PAPSS2: variants seen among roughly 807,000 people sequenced by gnomAD.
PAPSS2 encodes 3'-phosphoadenosine 5'-phosphosulfate synthase 2.
In PAPSS2, 61 loss-of-function variants were observed where a neutral mutation model predicts 66.5. That is an observed-to-expected ratio of 0.92 (90% CI 0.75 to 1.14). PAPSS2 has a LOEUF of 1.14. Among genes scored for constraint, PAPSS2 ranks in the 50% most tolerant of loss-of-function variants. PAPSS2 has a pLI of 0.00. For synonymous variants in PAPSS2, 289 were observed against 287.5 expected (o/e 1.01, Z -0.05); for missense variants, 708 against 789.6 (o/e 0.90, Z 1.24).
intron 1 of PAPSS2, among the ~76,000 whole-genome samples, chr10:87,701,372 CTTTCT>C (rs1564716775): frequency 4.2e-5 from 4 of 94,526 alleles, no homozygotes; most frequent in Non-Finnish European, 5.9e-5. Flanking sequence ...TTCTTTCTTT[CTTTCT>C]TTCTTTCTTT....
In PAPSS2 at chr10:87,741,316, C is replaced by A. The variant is rs1270615172; in HGVS notation, c.1168C>A (p.Gln390Lys). 6.2e-7 allele frequency: 1 copy of A among 1,613,478 alleles called. No homozygotes were observed. The change falls in exon 10 of 13, where the codon CAA (glutamine) becomes AAA (lysine). Residue 390 changes from glutamine (Q) to lysine (K), a missense_variant. Gln to Lys is a moderately conservative substitution (Grantham distance 53). Transcript: ENST00000456849. ...EKIRWNDGLD[Q>K]YRLTPLELKQ... is the part of the protein sequence containing the mutation. Reference sequence around the variant, plus strand: ...AATAAGATGGAATGATGGGCTGGACCAATACCGTCTGACACCTCTGGAGCT... The same window carrying A: ...AATAAGATGGAATGATGGGCTGGACAAATACCGTCTGACACCTCTGGAGCT...
intron 7 of PAPSS2, among the ~76,000 whole-genome samples, chr10:87,718,499 C>G (rs536197128): frequency 6.6e-6 from 1 of 152,352 alleles, no homozygotes; most frequent in Non-Finnish European, 1.5e-5. Context: ...CCTACTAGTT[C>G]CAAGCCCCTA....
chr10:87,738,733 A>T (rs1853831339), intron 9 of PAPSS2, among the ~76,000 whole-genome samples: 1 of 152,160 alleles, frequency 6.6e-6, no homozygotes, highest in South Asian at 2.1e-4. Context: ...GGCCATCCTA[A>T]TGGATGGGAG....
intron 7 of PAPSS2, among the ~76,000 whole-genome samples, chr10:87,717,874 T>G (rs1045520216): frequency 2.0e-5 from 3 of 152,150 alleles, no homozygotes; most frequent in Admixed American, 1.3e-4. Flanking sequence ...AGACAACAAA[T>G]TCTTAAAAGA....
chr10:87,737,478 A>C (rs1016532697), intron 9 of PAPSS2, among the ~76,000 whole-genome samples: 5 of 152,170 alleles, frequency 3.3e-5, no homozygotes, highest in African/African-American at 2.4e-5. Flanking sequence ...GTTGTGAACC[A>C]AATCTCCAGA....
chr10:87,665,104 A>G (rs1290723187), intron 1 of PAPSS2, among the ~76,000 whole-genome samples: 2 of 151,994 alleles, frequency 1.3e-5, no homozygotes, highest in South Asian at 2.1e-4. Flanking sequence ...GCTTGTAGAG[A>G]TTCCTTCAGG....
chr10:87,741,784 T>G (rs551341260), intron 10 of PAPSS2, among the ~76,000 whole-genome samples: 55 of 151,578 alleles, frequency 3.6e-4, no homozygotes, highest in African/African-American at 1.3e-3. Flanking sequence ...AAGAGACAGG[T>G]CTCACCCTGT....
intron 1 of PAPSS2, among the ~76,000 whole-genome samples, chr10:87,682,495 A>G (rs937372430): frequency 6.6e-6 from 1 of 152,222 alleles, no homozygotes; most frequent in Non-Finnish European, 1.5e-5. Flanking sequence ...TCCCTTCTTG[A>G]ATTGGAGTGT....
chr10:87,723,843 A>C (rs575201827), intron 8 of PAPSS2, among the ~76,000 whole-genome samples: 1 of 152,292 alleles, frequency 6.6e-6, no homozygotes, highest in Admixed American at 6.5e-5. Context: ...GGCCTTCTAA[A>C]TGTTGCATTG....
rs1184871976 is a variant in PAPSS2, at chr10:87,663,106, C to CTTTTTTT, written c.27+3115_27+3121dup. 3.4e-4 allele frequency among the ~76,000 whole-genome samples: 23 copies of CTTTTTTT among 67,622 alleles called. 1 individual carries two copies. Among genetic ancestry groups the CTTTTTTT allele is most frequent in the African/African-American group, 7.2e-4 (11 of 15,350 alleles). The allele number at this position is 67,622 out of a possible 152,430, so 44.4% of individuals were successfully genotyped here. A position where few individuals can be genotyped will look rare whatever the true frequency, so the allele number is the denominator to read the frequency against. On this transcript the variant is annotated intron_variant, in intron 1 of 12. Coordinates refer to ENST00000456849, the MANE Select transcript of PAPSS2 (RefSeq NM_001015880.2). ...AACATTATTTTTCTAGAAGTAGCCA[C>CTTTTTTT]TTTTTTTTTTTTTTTTTTTTTTTGA...
At chr10:87,666,969 A>G (rs1449644432) in intron 1 of PAPSS2, among the ~76,000 whole-genome samples, 1 of 152,166 alleles carries the variant, frequency 6.6e-6, no homozygotes, top group African/African-American at 2.4e-5. Flanking sequence ...CCCCAAGCTC[A>G]GCACCAGGGG....
rs766498849 is a variant in PAPSS2, at chr10:87,745,231, G to C, written c.1721G>C (p.Arg574Thr). ...KKAMDFYDPA[R>T]HNEFDFISGT... ...GCCATGGACTTCTATGATCCAGCAAGGTAGGTTTTCAGAGGAAAATTCTTT... is the reference window on the plus strand; with the variant it reads ...GCCATGGACTTCTATGATCCAGCAACGTAGGTTTTCAGAGGAAAATTCTTT... Residue 574 changes from arginine (R) to threonine (T), a missense_variant and splice_region_variant, in exon 12 of 13, where the codon AGG (arginine) becomes ACG (threonine). By Grantham distance (71) the Arg-to-Thr change is moderately conservative (BLOSUM62 -1). Transcript: ENST00000456849. 3 of 1,607,054 alleles carry C rather than the reference G, an allele frequency of 1.9e-6. No individual in the cohort carries two copies. The highest frequency in any genetic ancestry group is 2.6e-6 in the Non-Finnish European group (3 of 1,176,172).
intron 9 of PAPSS2, among the ~76,000 whole-genome samples, chr10:87,739,436 T>G (rs1372948079): frequency 6.6e-6 from 1 of 152,392 alleles, no homozygotes; most frequent in East Asian, 1.9e-4. Context: ...AGGCTGCTTC[T>G]TTTGAGAATT....
chr10:87,744,860 A>G, intron 11 of PAPSS2, 142 bp from the exon 12 acceptor site: 2 of 730,230 alleles, frequency 2.7e-6, no homozygotes, highest in South Asian at 3.1e-5. Flanking sequence ...ACGGAGTCTT[A>G]GAACCTCAGT....
chr10:87,747,363 G>A lies in PAPSS2; in HGVS notation c.*1393G>A, dbSNP rs1471385302. The A allele has an allele frequency of 6.6e-6, 1 of 152,140 alleles. No individual in the cohort carries two copies. The highest frequency in any genetic ancestry group is 1.5e-5 in the Non-Finnish European group (1 of 68,026). 9.4% of individuals were successfully genotyped at this position (152,140 alleles called of 1,614,324 possible). ...CTGGAAGAGACCTAAATTAGAAAGA[G>A]AAAACTGTGACAATTTTCATATTCT... is the stretch of plus-strand genomic sequence containing the variant. On this transcript the variant is annotated 3_prime_UTR_variant, in exon 13 of 13. Transcript: ENST00000456849.
rs559491153 is a variant in PAPSS2, at chr10:87,708,328, T to C, written c.28-868T>C. On this transcript the variant is annotated intron_variant, in intron 1 of 12. Transcript: ENST00000456849. ...TTTGAAAGATTAAAAAGTTCATACA[T>C]TAACCCTTGAGAAAGTGGAAACAGT... Among the ~76,000 whole-genome samples, 3 of 152,330 alleles carry C rather than the reference T, an allele frequency of 2.0e-5. No individual in the cohort carries two copies. The South Asian group carries it at 6.2e-4, about 32-fold the overall frequency.
At position 87,701,598 on chromosome 10, in the gene PAPSS2, A is replaced by AT. The variant is rs559198504; in HGVS notation, c.28-7591dup. On this transcript the variant is annotated intron_variant, in intron 1 of 12. Coordinates refer to ENST00000456849, the MANE Select transcript of PAPSS2 (RefSeq NM_001015880.2). ...GCCACCACACCCAGCTAATTTTTAA[A>AT]TTTTTTTCTAGAGATAGTATCTCAC... Among the ~76,000 whole-genome samples, 440 of 151,432 alleles carry AT rather than the reference A, an allele frequency of 2.9e-3. 3 individuals carry two copies. Among genetic ancestry groups the AT allele is most frequent in the African/African-American group, 0.01 (423 of 41,230 alleles).
intron 11 of PAPSS2, among the ~76,000 whole-genome samples, chr10:87,744,742 G>C (rs377581543): frequency 1.3e-4 from 20 of 152,296 alleles, no homozygotes; most frequent in African/African-American, 4.8e-4. Context: ...TTCTTGTCCG[G>C]CTAGCCTGTT....
chr10:87,724,291 AAG>A (rs1564724463), intron 8 of PAPSS2, among the ~76,000 whole-genome samples: 1 of 152,092 alleles, frequency 6.6e-6, no homozygotes, highest in Non-Finnish European at 1.5e-5. Flanking sequence ...CTCAAAAAAA[AAG>A]AGAATATGTT....
Sources: gnomAD v4.1 joint callset for allele counts (sites outside exome capture counted in the v4.1 genomes callset) on GRCh38, gnomAD v4.1.1 for gene constraint, MANE v1.5 for transcripts, NCBI Gene and HGNC (gene_info 2026-07-23, HGNC 2026-07-21) for gene names.